RANBP2: variants seen among roughly 807,000 people sequenced by gnomAD.
RANBP2 encodes the protein E3 SUMO-protein ligase RanBP2.
A neutral mutation model predicts 303.6 loss-of-function variants in RANBP2; 57 were observed. The ratio of observed to expected loss-of-function variants is 0.19; its 90% CI spans 0.15 to 0.23. The LOEUF (loss-of-function observed/expected upper bound fraction) is 0.23. Ranked by LOEUF, RANBP2 falls within the 10% of genes least tolerant of loss-of-function variation. The pLI is 1.00. For missense variants in RANBP2, 3,138 were observed against 3,780.8 expected (o/e 0.83, Z 4.46); for synonymous variants, 1,167 against 1,301.5 (o/e 0.90, Z 2.23).
At chr2:109,265,115 G>T in the RANBP2 span, among the ~76,000 whole-genome samples, 2 of 152,116 alleles carry the variant, frequency 1.3e-5, no homozygotes, top group African/African-American at 4.8e-5. Context: ...GAGGCGTTGC[G>T]AAATAGGATG....
the RANBP2 span, among the ~76,000 whole-genome samples, chr2:109,146,382 C>T: frequency 2.0e-5 from 3 of 152,178 alleles, no homozygotes; most frequent in Non-Finnish European, 2.9e-5. Context: ...AGTGACTAAT[C>T]ACTCCTCTGT....
chr2:109,083,528 A>C, the RANBP2 span, among the ~76,000 whole-genome samples: 1 of 152,072 alleles, frequency 6.6e-6, no homozygotes, highest in South Asian at 2.1e-4. Context: ...CACTTTCTTT[A>C]TTCATTCATC....
chr2:108,737,442 G>A (rs774246643), intron 6 of RANBP2, among the ~76,000 whole-genome samples: 1 of 149,262 alleles, frequency 6.7e-6, no homozygotes, highest in Non-Finnish European at 1.5e-5. Flanking sequence ...TGGTTCAGGC[G>A]ATTCTCCTGC....
At chr2:108,827,209 G>A in the RANBP2 span, among the ~76,000 whole-genome samples, 8 of 152,044 alleles carry the variant, frequency 5.3e-5, no homozygotes, top group African/African-American at 1.9e-4. Flanking sequence ...AAATAATAAT[G>A]TAAAGGAAAG....
the RANBP2 span, among the ~76,000 whole-genome samples, chr2:109,119,803 T>G: frequency 6.6e-6 from 1 of 152,216 alleles, no homozygotes; most frequent in African/African-American, 2.4e-5. Flanking sequence ...TTGAAATATT[T>G]TCGTCACAGT....
the RANBP2 span, among the ~76,000 whole-genome samples, chr2:109,215,730 T>A: frequency 6.6e-6 from 1 of 152,338 alleles, no homozygotes; most frequent in African/African-American, 2.4e-5. Flanking sequence ...GAACTGCCAC[T>A]GCTAGGACAT....
chr2:108,803,004 A>T, the RANBP2 span, among the ~76,000 whole-genome samples: 1 of 152,160 alleles, frequency 6.6e-6, no homozygotes, highest in African/African-American at 2.4e-5. Context: ...AAGCCTTTGC[A>T]ATGTTGCTGT....
the RANBP2 span, among the ~76,000 whole-genome samples, chr2:109,004,120 A>G: frequency 6.6e-6 from 1 of 152,262 alleles, no homozygotes; most frequent in Admixed American, 6.5e-5. Flanking sequence ...GTAAAATAAC[A>G]TAAAATCATT....
chr2:109,109,276 G>T, the RANBP2 span, among the ~76,000 whole-genome samples: 1 of 152,224 alleles, frequency 6.6e-6, no homozygotes, highest in Non-Finnish European at 1.5e-5. Context: ...ATGAAAAGTG[G>T]GGAGAACTGT....
At chr2:109,467,817 C>G in the RANBP2 span, among the ~76,000 whole-genome samples, 1 of 152,314 alleles carries the variant, frequency 6.6e-6, no homozygotes, top group African/African-American at 2.4e-5. Flanking sequence ...TCAGGACAGG[C>G]TGCACACGCA....
chr2:108,871,608 T>G, the RANBP2 span, among the ~76,000 whole-genome samples: 1 of 152,036 alleles, frequency 6.6e-6, no homozygotes, highest in Non-Finnish European at 1.5e-5. Flanking sequence ...ATTGTCCCAT[T>G]TTTTGTACAT....
the RANBP2 span, among the ~76,000 whole-genome samples, chr2:109,175,861 T>TG: frequency 6.6e-6 from 1 of 152,240 alleles, no homozygotes. Flanking sequence ...TCTTTTAGTT[T>TG]TGCATCTTAA....
At chr2:108,836,696 A>G in the RANBP2 span, among the ~76,000 whole-genome samples, 1 of 152,190 alleles carries the variant, frequency 6.6e-6, no homozygotes, top group Non-Finnish European at 1.5e-5. Context: ...ACCCATGAAC[A>G]TGAAATTTCA....
chr2:109,034,730 G>A, the RANBP2 span, among the ~76,000 whole-genome samples: 2 of 152,298 alleles, frequency 1.3e-5, no homozygotes, highest in Middle Eastern at 3.4e-3. Flanking sequence ...TGAGGGGGGT[G>A]GTACCCCATT....
the RANBP2 span, among the ~76,000 whole-genome samples, chr2:109,701,348 T>C: frequency 3.3e-5 from 5 of 152,200 alleles, no homozygotes; most frequent in Admixed American, 6.5e-5. Context: ...GCCTGTGATA[T>C]GGCCTCAGGA....
At chr2:109,652,447 G>C in the RANBP2 span, among the ~76,000 whole-genome samples, 3,111 of 152,188 alleles carry the variant, frequency 0.02, 100 homozygotes, top group African/African-American at 0.07. Context: ...GGATGGTCTT[G>C]ATCTCCTGAC....
chr2:109,492,668 C>T, the RANBP2 span, among the ~76,000 whole-genome samples: 1 of 152,160 alleles, frequency 6.6e-6, no homozygotes, highest in Non-Finnish European at 1.5e-5. Context: ...AGGTAACTGG[C>T]CCAAGATCAC....
At chr2:109,046,674 C>T in the RANBP2 span, among the ~76,000 whole-genome samples, 12 of 152,222 alleles carry the variant, frequency 7.9e-5, no homozygotes, top group South Asian at 4.1e-4. Context: ...GCCACCTGCC[C>T]GGTCATGTAT....
At chr2:109,317,049 C>T in the RANBP2 span, among the ~76,000 whole-genome samples, 1 of 152,122 alleles carries the variant, frequency 6.6e-6, no homozygotes, top group Non-Finnish European at 1.5e-5. Context: ...ATCCACTCAC[C>T]TCCTGAGGCT....
Sources: allele counts gnomAD v4.1 joint callset (sites outside exome capture counted in the v4.1 genomes callset), GRCh38; gene constraint gnomAD v4.1.1; transcripts MANE v1.5; gene names NCBI Gene and HGNC (gene_info 2026-07-23, HGNC 2026-07-21).